CNBD1: variants seen among roughly 807,000 people sequenced by gnomAD.
CNBD1 encodes cyclic nucleotide-binding domain-containing protein 1.
A neutral mutation model predicts 54.4 loss-of-function variants in CNBD1; 71 were observed. The observed-to-expected ratio is 1.30, with a 90% CI of 1.08 to 1.59. The LOEUF (loss-of-function observed/expected upper bound fraction) is 1.59. Among genes scored for constraint, CNBD1 ranks in the 40% most tolerant of loss-of-function variants. The pLI is 0.00. For missense variants in CNBD1, 659 were observed against 518.0 expected (o/e 1.27, Z -2.64); for synonymous variants, 182 against 170.7 (o/e 1.07, Z -0.51).
intron 8 of CNBD1, among the ~76,000 whole-genome samples, chr8:87,338,017 ATGATT>A (rs1418833047): frequency 2.0e-5 from 3 of 152,090 alleles, no homozygotes; most frequent in African/African-American, 7.2e-5. Context: ...ATTATTTTAT[ATGATT>A]TAATTTTTTA....
intron 4 of CNBD1, among the ~76,000 whole-genome samples, chr8:87,120,161 T>C (rs1156556523): frequency 6.6e-6 from 1 of 152,082 alleles, no homozygotes; most frequent in Non-Finnish European, 1.5e-5. Context: ...TAGTATTAGT[T>C]CTTTGTATAT....
chr8:86,982,136 A>T (rs1808501397), intron 4 of CNBD1, among the ~76,000 whole-genome samples: 1 of 152,078 alleles, frequency 6.6e-6, no homozygotes, highest in African/African-American at 2.4e-5. Flanking sequence ...TATGGATTTA[A>T]TTTTCATTTC....
chr8:87,198,229 A>C (rs1813761791), intron 4 of CNBD1, among the ~76,000 whole-genome samples: 1 of 152,206 alleles, frequency 6.6e-6, no homozygotes, highest in South Asian at 2.1e-4. Flanking sequence ...GAAAGCCAGC[A>C]GGCTTGCAGC....
At chr8:86,902,476 T>C (rs752036015) in intron 2 of CNBD1, among the ~76,000 whole-genome samples, 1 of 152,156 alleles carries the variant, frequency 6.6e-6, no homozygotes, top group African/African-American at 2.4e-5. Context: ...CATGTGGGCA[T>C]GCTCTTTTCA....
chr8:87,247,358 C>T (rs1041162202), intron 6 of CNBD1, among the ~76,000 whole-genome samples: 6 of 152,162 alleles, frequency 3.9e-5, no homozygotes, highest in Admixed American at 1.3e-4. Flanking sequence ...TGATCACGCA[C>T]CAGCTCTGAG....
chr8:87,367,278 G>A (rs532755880), intron 10 of CNBD1, among the ~76,000 whole-genome samples: 1 of 152,102 alleles, frequency 6.6e-6, no homozygotes, highest in East Asian at 1.9e-4. Context: ...CAGGTCTCAA[G>A]GTGTAGTCAG....
chr8:87,109,610 C>T (rs1333828574), intron 4 of CNBD1, among the ~76,000 whole-genome samples: 7 of 146,384 alleles, frequency 4.8e-5, no homozygotes, highest in Non-Finnish European at 5.9e-5. Context: ...TTGATCTTGG[C>T]TCACTGCAAG....
At chr8:87,304,889 A>G (rs774693051) in intron 8 of CNBD1, among the ~76,000 whole-genome samples, 1 of 152,100 alleles carries the variant, frequency 6.6e-6, no homozygotes, top group Non-Finnish European at 1.5e-5. Context: ...CCTCTTCAAC[A>G]TAGTACTGGA....
chr8:87,263,027 A>G (rs1808174055), intron 6 of CNBD1, among the ~76,000 whole-genome samples: 2 of 152,134 alleles, frequency 1.3e-5, no homozygotes, highest in Admixed American at 1.3e-4. Flanking sequence ...GCAGACCCAG[A>G]TTAGAGAGCT....
At chr8:87,001,950 T>C (rs1809002094) in intron 4 of CNBD1, among the ~76,000 whole-genome samples, 1 of 152,196 alleles carries the variant, frequency 6.6e-6, no homozygotes, top group Non-Finnish European at 1.5e-5. Context: ...TTCTCAGTAG[T>C]GTTTTCAAAA....
At chr8:87,161,927 T>C (rs925694209) in intron 4 of CNBD1, among the ~76,000 whole-genome samples, 1 of 152,092 alleles carries the variant, frequency 6.6e-6, no homozygotes, top group African/African-American at 2.4e-5. Context: ...TTCTTTTGCA[T>C]GAATTAGAAA....
chr8:86,979,005 A>G (rs1808407393), intron 4 of CNBD1, among the ~76,000 whole-genome samples: 1 of 152,132 alleles, frequency 6.6e-6, no homozygotes, highest in African/African-American at 2.4e-5. Flanking sequence ...TCATGGTAGT[A>G]ATGTTAAGAT....
Position 87,396,026 on chromosome 8 carries a change from C to A in CNBD1, c.214-32520C>A, listed in dbSNP as rs1041771326. Among the ~76,000 whole-genome samples the A allele has an allele frequency of 2.6e-5, 4 of 151,918 alleles. No homozygotes were observed. The East Asian group carries it at 5.8e-4, about 22-fold the overall frequency. On this transcript the variant is annotated intron_variant, in intron 2 of 7. Coordinates refer to the CNBD1 transcript ENST00000521593. ...CCTGAAGAACTGTGAGTCAATTAAACCTCATTCTTTTATAAATTACTCAGG... is the reference window on the plus strand; with the variant it reads ...CCTGAAGAACTGTGAGTCAATTAAAACTCATTCTTTTATAAATTACTCAGG...
At chr8:87,280,245 C>CT (rs1563536201) in intron 6 of CNBD1, among the ~76,000 whole-genome samples, 2 of 151,526 alleles carry the variant, frequency 1.3e-5, no homozygotes, top group Non-Finnish European at 3.0e-5. Context: ...TGAGAATGCA[C>CT]TTTTTATAAA....
chr8:86,942,591 G>A (rs1807357781), intron 4 of CNBD1, among the ~76,000 whole-genome samples: 1 of 152,170 alleles, frequency 6.6e-6, no homozygotes, highest in Non-Finnish European at 1.5e-5. Flanking sequence ...AGCTCTGTTA[G>A]CAACACAAAA....
At chr8:87,322,483 A>G (rs1176789143) in intron 8 of CNBD1, among the ~76,000 whole-genome samples, 3 of 121,698 alleles carry the variant, frequency 2.5e-5, no homozygotes, top group African/African-American at 9.2e-5. Context: ...CTGACTTTTT[A>G]ATGATTGCCA....
chr8:86,940,074 G>C (rs1176783662), intron 4 of CNBD1, among the ~76,000 whole-genome samples: 2 of 150,550 alleles, frequency 1.3e-5, no homozygotes, highest in African/African-American at 2.4e-5. Flanking sequence ...TTATCGGAAG[G>C]CTCTTCACAA....
chr8:87,165,270 T>G (rs1283114398), intron 4 of CNBD1, among the ~76,000 whole-genome samples: 2 of 151,934 alleles, frequency 1.3e-5, no homozygotes, highest in African/African-American at 4.8e-5. Flanking sequence ...TGTCTGTAAC[T>G]CCATTTGGTC....
intron 4 of CNBD1, among the ~76,000 whole-genome samples, chr8:86,997,922 C>T (rs1315873095): frequency 2.0e-5 from 3 of 152,122 alleles, no homozygotes; most frequent in Non-Finnish European, 4.4e-5. Flanking sequence ...TAAACTGGGA[C>T]AATTTAGTTT....
Sources: gnomAD v4.1 joint callset for allele counts (sites outside exome capture counted in the v4.1 genomes callset) on GRCh38, gnomAD v4.1.1 for gene constraint, MANE v1.5 for transcripts, NCBI Gene and HGNC (gene_info 2026-07-23, HGNC 2026-07-21) for gene names.